The following CPE variants were observed in gnomAD, a reference collection of about 807,000 sequenced individuals.
CPE encodes carbocypeptidase E.
CPE carries 17 observed loss-of-function variants against 53.5 expected under a neutral mutation model. That is an observed-to-expected ratio of 0.32 (90% CI 0.22 to 0.48). The LOEUF (loss-of-function observed/expected upper bound fraction) is 0.48. Ranked by LOEUF, CPE falls within the 20% of genes least tolerant of loss-of-function variation. The pLI is 0.99. For missense variants in CPE, 524 were observed against 614.7 expected (o/e 0.85, Z 1.56); for synonymous variants, 226 against 228.8 (o/e 0.99, Z 0.11).
intron 1 of CPE, among the ~76,000 whole-genome samples, chr4:165,441,513 A>G (rs1477733938): frequency 1.3e-5 from 2 of 152,124 alleles, no homozygotes; most frequent in Admixed American, 1.3e-4. Flanking sequence ...TAGACTCGCT[A>G]ACCTTATTTT....
intron 1 of CPE, among the ~76,000 whole-genome samples, chr4:165,443,588 A>G (rs1731652943): frequency 6.6e-6 from 1 of 152,128 alleles, no homozygotes; most frequent in South Asian, 2.1e-4. Context: ...CTTTCTGTGT[A>G]TCTGCATCAC....
At chr4:165,472,453 T>C (rs1476678471) in intron 3 of CPE, among the ~76,000 whole-genome samples, 2 of 152,362 alleles carry the variant, frequency 1.3e-5, no homozygotes, top group African/African-American at 4.8e-5. Flanking sequence ...CACAATTATG[T>C]AGCATAACAG....
At chr4:165,458,676 G>C (rs1731944176) in intron 1 of CPE, among the ~76,000 whole-genome samples, 1 of 152,054 alleles carries the variant, frequency 6.6e-6, no homozygotes, top group Non-Finnish European at 1.5e-5. Context: ...TTCATTTCCT[G>C]TTGGATATTT....
intron 7 of CPE, 69 bp downstream of exon 7, chr4:165,493,339 T>A: frequency 8.9e-7 from 1 of 1,121,918 alleles, no homozygotes; most frequent in Non-Finnish European, 1.3e-6. Context: ...ATCATAATTA[T>A]AAGTCTTATG....
chr4:165,497,087 A>G (rs1732715427), intron 8 of CPE, among the ~76,000 whole-genome samples: 2 of 151,910 alleles, frequency 1.3e-5, no homozygotes, highest in African/African-American at 4.8e-5. Flanking sequence ...GTGCCCGGCT[A>G]ATTTTTGTAT....
intron 1 of CPE, among the ~76,000 whole-genome samples, chr4:165,397,959 GGA>G (rs1201521908): frequency 1.3e-5 from 2 of 151,344 alleles, no homozygotes; most frequent in Non-Finnish European, 2.9e-5. Context: ...GGCTGAGGTG[GGA>G]GGATTGCTTG....
At chr4:165,396,670 C>CAAA (rs55987493) in intron 1 of CPE, among the ~76,000 whole-genome samples, 2,638 of 133,622 alleles carry the variant, frequency 0.02, 75 homozygotes, top group African/African-American at 0.064. Flanking sequence ...GATTCTGTCT[C>CAAA]AAAAAAAAAA....
intron 3 of CPE, 80 bp from the exon 4 acceptor site, chr4:165,482,162 C>T: frequency 2.4e-6 from 2 of 847,942 alleles, no homozygotes; most frequent in Non-Finnish European, 3.5e-6. Context: ...TTTTCCTTTA[C>T]CTTTCCTATG....
At chr4:165,450,121 A>G (rs1012530930) in intron 1 of CPE, among the ~76,000 whole-genome samples, 2 of 152,040 alleles carry the variant, frequency 1.3e-5, no homozygotes, top group African/African-American at 4.8e-5. Flanking sequence ...TTTGTTTTAT[A>G]TTTTATTTAG....
rs1204491837 is a variant in CPE at position 165,440,456 on chromosome 4, C to T, written c.308-23934C>T. Among the ~76,000 whole-genome samples, 33 of 142,246 alleles carry T rather than the reference C, an allele frequency of 2.3e-4. 1 individual carries two copies. The highest frequency in any genetic ancestry group is 4.8e-4 in the Admixed American group (7 of 14,444). 93.3% of individuals were successfully genotyped at this position (142,246 alleles called of 152,430 possible). A position where few individuals can be genotyped will look rare whatever the true frequency, so the allele number is the denominator to read the frequency against. ...GCTGCTGCTGCTCTCACAACCCCAC[C>T]CCCCCCCACACACACAAGCTGTGGT... On this transcript the variant is annotated intron_variant, in intron 1 of 8. Transcript: ENST00000402744.
chr4:165,405,402 GAT>G (rs1301845101), intron 1 of CPE: 1 of 996,106 alleles, frequency 1.0e-6, no homozygotes, highest in Non-Finnish European at 1.6e-6. Context: ...GATTCAGAGA[GAT>G]AACCAGCATC....
chr4:165,422,932 G>C (rs1416733872), intron 1 of CPE, among the ~76,000 whole-genome samples: 4 of 141,464 alleles, frequency 2.8e-5, no homozygotes, highest in African/African-American at 1.1e-4. Flanking sequence ...AGCCGAGATG[G>C]TGCCACTGCC....
At chr4:165,439,755 A>G (rs543937837) in intron 1 of CPE, among the ~76,000 whole-genome samples, 2 of 152,260 alleles carry the variant, frequency 1.3e-5, no homozygotes, top group East Asian at 1.9e-4. Context: ...AGACATTTCT[A>G]TATATAAAAG....
intron 1 of CPE, among the ~76,000 whole-genome samples, chr4:165,454,140 T>C (rs1731860433): frequency 6.6e-6 from 1 of 152,180 alleles, no homozygotes. Flanking sequence ...TAAAAAAGCC[T>C]CTCATATGCC....
chr4:165,474,951 G>A (rs770851791), intron 3 of CPE, among the ~76,000 whole-genome samples: 11 of 152,130 alleles, frequency 7.2e-5, no homozygotes, highest in African/African-American at 2.2e-4. Context: ...CCCTCCCTTC[G>A]AATATGACCT....
At position 165,484,500 on chromosome 4, in the gene CPE, C is replaced by G; in HGVS notation, c.869C>G (p.Pro290Arg). Residue 290 changes from proline to arginine, a missense_variant, in exon 5 of 9, where the codon CCG becomes CGG. Pro to Arg is a moderately radical substitution (Grantham distance 103). Transcript: ENST00000402744. ...SLARAYSSFN[P>R]AMSDPNRPPC... is the part of the protein sequence containing the mutation. Reference sequence around the variant, plus strand: ...GCCCGGGCATACTCTTCTTTCAACCCGGCCATGTCTGACCCCAATCGGCCA... The same window carrying G: ...GCCCGGGCATACTCTTCTTTCAACCGGGCCATGTCTGACCCCAATCGGCCA... 6.2e-7 allele frequency: 1 copy of G among 1,614,124 alleles called. No individual in the cohort carries two copies. Among genetic ancestry groups the G allele is most frequent in the Non-Finnish European group, 8.5e-7 (1 of 1,179,988 alleles).
intron 1 of CPE, among the ~76,000 whole-genome samples, chr4:165,384,942 A>G (rs997631502): frequency 7.9e-5 from 12 of 152,294 alleles, no homozygotes; most frequent in African/African-American, 2.9e-4. Flanking sequence ...AGGAGAAATA[A>G]TTTTGTTTGT....
intron 1 of CPE, among the ~76,000 whole-genome samples, chr4:165,380,020 A>G (rs1730481632): frequency 6.6e-6 from 1 of 151,304 alleles, no homozygotes; most frequent in Non-Finnish European, 1.5e-5. Context: ...AACGAGGGAG[A>G]AAGAGTCATT....
intron 3 of CPE, among the ~76,000 whole-genome samples, chr4:165,472,347 G>C (rs1024778917): frequency 6.6e-5 from 10 of 152,154 alleles, no homozygotes; most frequent in African/African-American, 2.4e-4. Flanking sequence ...CTTTTAAAGA[G>C]GATTAAAACA....
Sources: allele counts gnomAD v4.1 joint callset (sites outside exome capture counted in the v4.1 genomes callset), GRCh38; gene constraint gnomAD v4.1.1; transcripts MANE v1.5; gene names NCBI Gene and HGNC (gene_info 2026-07-23, HGNC 2026-07-21).